The following CDH23 variants were observed in gnomAD, a reference collection of about 807,000 sequenced individuals.
CDH23 encodes cadherin related 23, also known as cadherin-23.
CDH23 carries 189 observed loss-of-function variants against 317.1 expected under a neutral mutation model. The observed-to-expected ratio is 0.60, with a 90% CI of 0.53 to 0.67. CDH23 has a LOEUF of 0.67. Ranked by LOEUF, CDH23 falls within the 30% of genes least tolerant of loss-of-function variation. The pLI is 0.00. For missense variants in CDH23, 4,401 were observed against 4,592.4 expected (o/e 0.96, Z 1.20); for synonymous variants, 1,839 against 1,876.8 (o/e 0.98, Z 0.52).
At chr10:71,739,576 C>T in intron 35 of CDH23, 68 bp from the exon 36 acceptor site, 2 of 1,561,952 alleles carry the variant, frequency 1.3e-6, no homozygotes, top group Non-Finnish European at 8.7e-7. Flanking sequence ...CCAGGGAGTC[C>T]CCCTTGGCTT....
intron 9 of CDH23, among the ~76,000 whole-genome samples, chr10:71,613,765 T>C (rs978745255): frequency 7.2e-5 from 11 of 152,230 alleles, no homozygotes; most frequent in African/African-American, 2.7e-4. Context: ...ACCTGGGAGC[T>C]ACAGCCACTT....
At chr10:71,712,323 G>A (rs1327343786) in intron 27 of CDH23, 2 of 237,960 alleles carry the variant, frequency 8.4e-6, no homozygotes, top group Non-Finnish European at 1.7e-5. Flanking sequence ...GTTCCCAGGG[G>A]TTTAACATGG....
intron 38 of CDH23, chr10:71,761,503 C>T: frequency 4.4e-6 from 6 of 1,374,254 alleles, no homozygotes; most frequent in Non-Finnish European, 4.8e-6. Flanking sequence ...CCCATGCAGC[C>T]TCACACTCTG....
At chr10:71,683,134 C>T (rs753890808) in intron 18 of CDH23, among the ~76,000 whole-genome samples, 20 of 152,298 alleles carry the variant, frequency 1.3e-4, no homozygotes, top group Middle Eastern at 3.4e-3. Flanking sequence ...TCCATCTCCA[C>T]GCTGGTTCAT....
intron 14 of CDH23, among the ~76,000 whole-genome samples, chr10:71,652,360 T>C (rs1012135525): frequency 5.9e-5 from 9 of 152,384 alleles, no homozygotes; most frequent in African/African-American, 2.2e-4. Flanking sequence ...CTCTGGGACT[T>C]GGCTTTTTTC....
chr10:71,515,279 A>G (rs1232957959), intron 6 of CDH23, among the ~76,000 whole-genome samples: 1 of 151,470 alleles, frequency 6.6e-6, no homozygotes, highest in Non-Finnish European at 1.5e-5. Flanking sequence ...ATTTTTCGGT[A>G]TTCTCTTCTG....
chr10:71,705,738 A>T (rs1306100177), intron 25 of CDH23, among the ~76,000 whole-genome samples: 2 of 152,152 alleles, frequency 1.3e-5, no homozygotes, highest in Non-Finnish European at 2.9e-5. Flanking sequence ...TCAGGACAGG[A>T]TGCAGACATG....
intron 38 of CDH23, among the ~76,000 whole-genome samples, chr10:71,764,729 T>C (rs928801087): frequency 6.6e-6 from 1 of 152,194 alleles, no homozygotes; most frequent in Non-Finnish European, 1.5e-5. Flanking sequence ...CTTGGTCCTG[T>C]GGACATTTGA....
chr10:71,406,633 A>T (rs1463701692), intron 1 of CDH23, among the ~76,000 whole-genome samples: 1 of 152,200 alleles, frequency 6.6e-6, no homozygotes, highest in Non-Finnish European at 1.5e-5. Context: ...CTTGCCGGAC[A>T]CTTTGATTTT....
chr10:71,622,440 G>A (rs1459139025), intron 11 of CDH23, among the ~76,000 whole-genome samples: 1 of 152,006 alleles, frequency 6.6e-6, no homozygotes, highest in Non-Finnish European at 1.5e-5. Flanking sequence ...CCTAGAAAAC[G>A]TTCCTCCACT....
At chr10:71,752,127 C>A in intron 38 of CDH23, 1 of 626,100 alleles carries the variant, frequency 1.6e-6, no homozygotes, top group Non-Finnish European at 2.9e-6. Flanking sequence ...CAACCCCGGG[C>A]ACAGCCAGGA....
chr10:71,740,821 G>A lies in CDH23; in HGVS notation c.4489-1G>A, dbSNP rs2132846050. 6.2e-7 allele frequency: 1 copy of A among 1,613,806 alleles called. No individual in the cohort carries two copies. The highest frequency in any genetic ancestry group is 8.5e-7 in the Non-Finnish European group (1 of 1,179,874). On this transcript the variant is annotated splice_acceptor_variant, in intron 36 of 69. Transcript: ENST00000224721. LOFTEE classifies it high-confidence loss of function. ...GACTCCAGTTGCCCTCCTCCTTGCA[G>A]GTTGTGGCTTCTGACCGAGGCACCC...
At chr10:71,682,398 T>C (rs138560543) in intron 17 of CDH23, 47 bp from the exon 18 acceptor site, 1 of 1,602,604 alleles carries the variant, frequency 6.2e-7, no homozygotes. Context: ...TGGACGGGCA[T>C]CTCAAGTCTG....
At chr10:71,617,522 T>C in intron 11 of CDH23, 129 bp downstream of exon 11, 2 of 1,506,060 alleles carry the variant, frequency 1.3e-6, no homozygotes, top group Non-Finnish European at 1.8e-6. Flanking sequence ...TGGTAGGTTC[T>C]GAGGATAAAT....
chr10:71,657,831 T>C (rs765526292), intron 14 of CDH23, among the ~76,000 whole-genome samples: 1 of 151,972 alleles, frequency 6.6e-6, no homozygotes, highest in African/African-American at 2.4e-5. Context: ...ACAAAATCTC[T>C]TCCAATTTCC....
rs911752737 is a variant in CDH23, at chr10:71,705,211, CA to C, written c.2953+82del. ...TCAGGGGCAGGGGTAGAGGGGAGCCCATGTCCCCCACTGCTGTCTATTGGAC... is the reference window on the plus strand; with the variant it reads ...TCAGGGGCAGGGGTAGAGGGGAGCCCTGTCCCCCACTGCTGTCTATTGGAC... On this transcript the variant is annotated intron_variant, in intron 25 of 69. Coordinates refer to ENST00000224721, the MANE Select transcript of CDH23 (RefSeq NM_022124.6). 2.3e-6 allele frequency: 3 copies of C among 1,315,628 alleles called. No homozygotes were observed. In the African/African-American group the frequency reaches 4.4e-5, roughly 19 times the overall value. 81.5% of individuals were successfully genotyped at this position (1,315,628 alleles called of 1,614,324 possible).
chr10:71,610,900 G>A (rs747507802), intron 9 of CDH23, among the ~76,000 whole-genome samples: 3 of 152,018 alleles, frequency 2.0e-5, no homozygotes, highest in South Asian at 2.1e-4. Context: ...GAATCCTTAC[G>A]GTGGTAAAAG....
In CDH23 at chr10:71,559,011, T is replaced by C. The variant is rs140854954; in HGVS notation, c.430-7731T>C. On this transcript the variant is annotated intron_variant, in intron 6 of 69. Transcript: ENST00000224721. Reference sequence around the variant, plus strand: ...GTAAATCTCACATTTTCTGCAAGAGTTGGGGAAGGGATCTGGGAGTCTAAC... The same window carrying C: ...GTAAATCTCACATTTTCTGCAAGAGCTGGGGAAGGGATCTGGGAGTCTAAC... Among the ~76,000 whole-genome samples, 120 of 152,176 alleles carry C rather than the reference T, an allele frequency of 7.9e-4. 1 individual carries two copies. The East Asian group carries it at 9.8e-3, about 12-fold the overall frequency.
intron 6 of CDH23, among the ~76,000 whole-genome samples, chr10:71,514,607 G>T (rs945794187): frequency 1.3e-5 from 2 of 152,142 alleles, no homozygotes; most frequent in African/African-American, 4.8e-5. Flanking sequence ...GCAGGTGTGT[G>T]TTTGAGTTTG....
Sources: gnomAD v4.1 joint callset for allele counts (sites outside exome capture counted in the v4.1 genomes callset) on GRCh38, gnomAD v4.1.1 for gene constraint, MANE v1.5 for transcripts, NCBI Gene and HGNC (gene_info 2026-07-23, HGNC 2026-07-21) for gene names.